Variants in WDFY1 observed in about 807,000 individuals in gnomAD.
WDFY1 encodes WD repeat and FYVE domain-containing protein 1.
Under a neutral mutation model 56.4 loss-of-function variants are expected in WDFY1, and 32 were observed. The ratio of observed to expected loss-of-function variants is 0.57; its 90% CI spans 0.43 to 0.76. The LOEUF is 0.76. WDFY1 is among the 30% of genes least tolerant of loss of function. WDFY1 has a pLI of 0.00. For synonymous variants in WDFY1, 192 were observed against 197.3 expected, an observed-to-expected ratio of 0.97 and a Z score of 0.23; for missense variants, 480 against 545.7, an observed-to-expected ratio of 0.88 and a Z score of 1.20.
In WDFY1 at chr2:223,882,028, G is replaced by A; in HGVS notation, c.978C>T (p.Ser326=). Residue 326 remains serine, a synonymous_variant, in exon 10 of 12, where the codon AGC becomes AGT. Transcript: ENST00000233055. ...KCGQAVCGKC[S]SKRSSYPVMG... Reference sequence around the variant, plus strand: ...TGACTGGGTAACTTGAGCGCTTGCTGCTGCACTTCCCGCAGACAGCCTGCC... The same window carrying A: ...TGACTGGGTAACTTGAGCGCTTGCTACTGCACTTCCCGCAGACAGCCTGCC... 1 of 1,614,070 alleles carries A rather than the reference G, an allele frequency of 6.2e-7. No individual in the cohort carries two copies. Among genetic ancestry groups the A allele is most frequent in the Non-Finnish European group, 8.5e-7 (1 of 1,179,940 alleles).
At chr2:223,923,433 C>T (rs914818559) in intron 1 of WDFY1, among the ~76,000 whole-genome samples, 3 of 152,084 alleles carry the variant, frequency 2.0e-5, no homozygotes, top group Non-Finnish European at 4.4e-5. Flanking sequence ...AAGTTGAAAG[C>T]AACATAATAA....
intron 5 of WDFY1, 151 bp from the exon 6 acceptor site, chr2:223,899,221 G>A: frequency 1.6e-5 from 9 of 568,818 alleles, no homozygotes. Flanking sequence ...AACAAGAAAG[G>A]AAACACCCAA....
chr2:223,921,869 CCA>C (rs1283123076), intron 1 of WDFY1, among the ~76,000 whole-genome samples: 1 of 152,166 alleles, frequency 6.6e-6, no homozygotes, highest in African/African-American at 2.4e-5. Context: ...AGCGTGACTA[CCA>C]CAGTCTAGGT....
At chr2:223,908,163 G>C (rs1157705113) in intron 3 of WDFY1, among the ~76,000 whole-genome samples, 1 of 152,136 alleles carries the variant, frequency 6.6e-6, no homozygotes, top group Admixed American at 6.6e-5. Flanking sequence ...GTCCAAGGCT[G>C]CTTCTTTCAT....
chr2:223,924,427 A>G (rs662190), intron 1 of WDFY1, among the ~76,000 whole-genome samples: 131,482 of 152,214 alleles, frequency 0.86, 57,266 homozygotes, highest in Non-Finnish European at 0.93. Context: ...GGTATGGCAC[A>G]AGTTCAGCTC....
chr2:223,927,046 C>T (rs1693996566), intron 1 of WDFY1, among the ~76,000 whole-genome samples: 1 of 152,148 alleles, frequency 6.6e-6, no homozygotes, highest in Non-Finnish European at 1.5e-5. Flanking sequence ...ATTCAGTAAA[C>T]CATGCTGTCA....
intron 3 of WDFY1, among the ~76,000 whole-genome samples, chr2:223,908,290 G>A (rs958374845): frequency 6.6e-6 from 1 of 152,152 alleles, no homozygotes; most frequent in Non-Finnish European, 1.5e-5. Flanking sequence ...GTTACCCTCA[G>A]GCTCTCTGGC....
intron 10 of WDFY1, among the ~76,000 whole-genome samples, chr2:223,881,421 GC>G (rs1444766609): frequency 4.6e-5 from 7 of 152,198 alleles, no homozygotes; most frequent in Non-Finnish European, 1.0e-4. Flanking sequence ...GGAGAAAGCT[GC>G]CCAGTCAGAG....
intron 1 of WDFY1, among the ~76,000 whole-genome samples, chr2:223,934,412 G>A (rs1052198351): frequency 9.9e-5 from 15 of 152,004 alleles, no homozygotes; most frequent in African/African-American, 3.6e-4. Flanking sequence ...TTTAGATTAC[G>A]TTCCATGCTT....
chr2:223,942,953 C>T (rs1391798102), intron 1 of WDFY1, among the ~76,000 whole-genome samples: 1 of 150,746 alleles, frequency 6.6e-6, no homozygotes, highest in Non-Finnish European at 1.5e-5. Context: ...GAGGCCAAGG[C>T]GGGTGGATCA....
chr2:223,912,312 T>C lies in WDFY1; in HGVS notation c.220A>G (p.Met74Val), dbSNP rs1014759294. ...YHTMASPCSAMAYHHDSRRIF... is the reference protein window; with the variant it reads ...YHTMASPCSAVAYHHDSRRIF... ...CGTCTGCTGTCATGATGGTAAGCCA[T>C]AGCAGAGCAAGGAGCTGCCAGAAAG... Residue 74 changes from methionine to valine, a missense_variant, in exon 3 of 12, where the codon ATG (methionine) becomes GTG (valine). Coordinates refer to ENST00000233055, the MANE Select transcript of WDFY1 (RefSeq NM_020830.5). 8.1e-6 allele frequency: 13 copies of C among 1,607,668 alleles called. No homozygotes were observed. Among genetic ancestry groups the C allele is most frequent in the South Asian group, 6.7e-5 (6 of 89,556 alleles).
chr2:223,892,191 G>A (rs1045453681), intron 8 of WDFY1, among the ~76,000 whole-genome samples: 1 of 151,982 alleles, frequency 6.6e-6, no homozygotes, highest in Non-Finnish European at 1.5e-5. Context: ...GGCCAGGCTG[G>A]ACTCCAACTC....
At chr2:223,928,005 G>A (rs1694014665) in intron 1 of WDFY1, among the ~76,000 whole-genome samples, 1 of 152,138 alleles carries the variant, frequency 6.6e-6, no homozygotes, top group Non-Finnish European at 1.5e-5. Flanking sequence ...CCCGTTGATG[G>A]AGTATTCAGA....
At chr2:223,914,109 G>A (rs562628208) in intron 2 of WDFY1, among the ~76,000 whole-genome samples, 1 of 140,944 alleles carries the variant, frequency 7.1e-6, no homozygotes, top group East Asian at 2.1e-4. Flanking sequence ...CGATTCTCCT[G>A]TCTCAGCCTC....
In WDFY1 at chr2:223,877,935, GT is replaced by G. The variant is rs754579043; in HGVS notation, c.*735del. 1 of 152,520 alleles carries G rather than the reference GT, an allele frequency of 6.6e-6. No homozygotes were observed. The highest frequency in any genetic ancestry group is 1.5e-5 in the Non-Finnish European group (1 of 68,020). 9.4% of individuals were successfully genotyped at this position (152,520 alleles called of 1,614,324 possible). A position where few individuals can be genotyped will look rare whatever the true frequency, so the allele number is the denominator to read the frequency against. ...CCCATGTTAACAGCACCATAAAAAAGTTTTGCCCTAGGAATTTGGGGGAAAG... is the reference window on the plus strand; with the variant it reads ...CCCATGTTAACAGCACCATAAAAAAGTTTGCCCTAGGAATTTGGGGGAAAG... On this transcript the variant is annotated 3_prime_UTR_variant, in exon 12 of 12. Transcript: ENST00000233055.
At chr2:223,908,485 C>T (rs181485943) in intron 3 of WDFY1, among the ~76,000 whole-genome samples, 5 of 152,328 alleles carry the variant, frequency 3.3e-5, no homozygotes, top group Admixed American at 3.3e-4. Context: ...AAACTCACTG[C>T]CCTCCAGCTT....
Position 223,878,738 on chromosome 2 carries a change from G to A in WDFY1, c.1174-8C>T, listed in dbSNP as rs1693013568. The A allele has an allele frequency of 6.2e-7, 1 of 1,607,138 alleles. No homozygotes were observed. Among genetic ancestry groups the A allele is most frequent in the South Asian group, 1.1e-5 (1 of 90,978 alleles). On this transcript the variant is annotated splice_polypyrimidine_tract_variant and splice_region_variant and intron_variant, in intron 11 of 11. Coordinates refer to ENST00000233055, the MANE Select transcript of WDFY1 (RefSeq NM_020830.5). ...AGGTGTCATGTCCCAGATCTACAAG[G>A]AAGGAAGAAACGCAGAAAAGGCAGC...
At chr2:223,931,886 A>G (rs1297787954) in intron 1 of WDFY1, among the ~76,000 whole-genome samples, 11 of 151,850 alleles carry the variant, frequency 7.2e-5, no homozygotes, top group Non-Finnish European at 1.0e-4. Context: ...GGGTTTCGCC[A>G]TGTTGGCCAG....
Position 223,881,794 on chromosome 2 carries a change from C to A in WDFY1, c.1064+148G>T, listed in dbSNP as rs1263903724. On this transcript the variant is annotated intron_variant, in intron 10 of 11. Coordinates refer to ENST00000233055, the MANE Select transcript of WDFY1 (RefSeq NM_020830.5). ...CAGAGCAAGACTCTGTCTCAAAAAA[C>A]AAACAACAAATAAAATGGCTTAGGA... is the stretch of plus-strand genomic sequence containing the variant. 6.0e-6 allele frequency: 7 copies of A among 1,172,402 alleles called. No homozygotes were observed. In the Admixed American group the frequency reaches 1.5e-4, roughly 25 times the overall value. 72.6% of individuals were successfully genotyped at this position (1,172,402 alleles called of 1,614,324 possible).
Sources: gnomAD v4.1 joint callset for allele counts (sites outside exome capture counted in the v4.1 genomes callset) on GRCh38, gnomAD v4.1.1 for gene constraint, MANE v1.5 for transcripts, NCBI Gene and HGNC (gene_info 2026-07-23, HGNC 2026-07-21) for gene names.